Variants in MTHFD1L observed in about 807,000 individuals in gnomAD.
MTHFD1L encodes the protein methylenetetrahydrofolate dehydrogenase (NADP+ dependent) 1 like, also known as monofunctional C1-tetrahydrofolate synthase, mitochondrial.
A neutral mutation model predicts 119.5 loss-of-function variants in MTHFD1L; 81 were observed. The observed-to-expected ratio is 0.68, with a 90% confidence interval of 0.57 to 0.82. The LOEUF (loss-of-function observed/expected upper bound fraction) is 0.82. MTHFD1L is among the 40% of genes least tolerant of loss of function. The pLI is 0.00. For missense variants in MTHFD1L, 1,125 were observed against 1,253.4 expected (o/e 0.90, Z 1.55); for synonymous variants, 430 against 475.2 (o/e 0.90, Z 1.24).
At chr6:151,002,566 G>T (rs964510012) in intron 20 of MTHFD1L, among the ~76,000 whole-genome samples, 2 of 152,184 alleles carry the variant, frequency 1.3e-5, no homozygotes, top group African/African-American at 4.8e-5. Flanking sequence ...CTTCTTCCCT[G>T]TGAAGCTGGT....
intron 4 of MTHFD1L, among the ~76,000 whole-genome samples, chr6:150,881,756 T>C (rs995913872): frequency 6.6e-6 from 1 of 152,232 alleles, no homozygotes; most frequent in African/African-American, 2.4e-5. Flanking sequence ...AGGACAGTTT[T>C]GTTTATAGCT....
intron 18 of MTHFD1L, among the ~76,000 whole-genome samples, chr6:150,963,287 T>C (rs77132617): frequency 1.3e-5 from 2 of 152,290 alleles, no homozygotes; most frequent in East Asian, 3.9e-4. Flanking sequence ...ATCATGTGTG[T>C]TTTATACACT....
rs1562428069 is a variant in MTHFD1L, at chr6:150,944,587, A to G, written c.1542A>G (p.Thr514=). ...DTRILHENTQ[T]DKALYNRLVP... ...GGATTCTTCATGAAAACACGCAAAC[A>G]GATAAGGTGAGAAGGATGCCTTGCT... The change falls in exon 14 of 28, where the codon ACA becomes ACG. Residue 514 remains threonine (T), a synonymous_variant. Transcript: ENST00000367321. The G allele has an allele frequency of 1.2e-5, 20 of 1,611,896 alleles. 1 individual carries two copies. The highest frequency in any genetic ancestry group is 1.5e-5 in the Non-Finnish European group (18 of 1,178,346).
At chr6:150,936,058 T>C (rs1360071403) in intron 11 of MTHFD1L, among the ~76,000 whole-genome samples, 2 of 152,214 alleles carry the variant, frequency 1.3e-5, no homozygotes, top group Non-Finnish European at 2.9e-5. Flanking sequence ...AGAGCAGAAG[T>C]TTCCGCCATA....
chr6:150,879,344 G>A (rs1780989891), intron 4 of MTHFD1L, among the ~76,000 whole-genome samples: 1 of 152,010 alleles, frequency 6.6e-6, no homozygotes, highest in Non-Finnish European at 1.5e-5. Context: ...CTGGAGTGCG[G>A]TGGTGCAATC....
At chr6:151,079,874 A>AT in intron 26 of MTHFD1L, among the ~76,000 whole-genome samples, 1 of 151,804 alleles carries the variant, frequency 6.6e-6, no homozygotes, top group East Asian at 2.0e-4. Flanking sequence ...TAAAAATTAA[A>AT]TTAAAAAAAA....
intron 26 of MTHFD1L, among the ~76,000 whole-genome samples, chr6:151,065,855 C>A (rs1211257456): frequency 6.6e-6 from 1 of 152,188 alleles, no homozygotes; most frequent in Non-Finnish European, 1.5e-5. Flanking sequence ...AGGCCAGACC[C>A]CAAGGGCTGT....
chr6:150,948,038 A>G (rs1794272704), intron 15 of MTHFD1L, among the ~76,000 whole-genome samples: 2 of 150,786 alleles, frequency 1.3e-5, no homozygotes. Context: ...ACGGAGTTTC[A>G]CTCTTGTTGC....
intron 8 of MTHFD1L, among the ~76,000 whole-genome samples, chr6:150,913,173 T>A (rs1787229726): frequency 6.6e-6 from 1 of 151,776 alleles, no homozygotes; most frequent in African/African-American, 2.4e-5. Flanking sequence ...ACTAATTTTT[T>A]TTTTTGAGGC....
chr6:150,886,876 G>A (rs1782394176), intron 6 of MTHFD1L, among the ~76,000 whole-genome samples: 1 of 151,104 alleles, frequency 6.6e-6, no homozygotes, highest in Non-Finnish European at 1.5e-5. Context: ...TGTGCCTGTA[G>A]TCCCGGCTAC....
At chr6:150,975,646 C>T (rs1438588193) in intron 20 of MTHFD1L, among the ~76,000 whole-genome samples, 1 of 152,204 alleles carries the variant, frequency 6.6e-6, no homozygotes, top group Non-Finnish European at 1.5e-5. Context: ...CTGTCTGGGC[C>T]TCCTCTGGCT....
intron 26 of MTHFD1L, among the ~76,000 whole-genome samples, chr6:151,058,966 G>A (rs528253628): frequency 3.3e-5 from 5 of 152,066 alleles, no homozygotes; most frequent in Admixed American, 6.5e-5. Context: ...GTGAGCCACC[G>A]CACCTGGCCC....
In MTHFD1L at chr6:150,949,706, G is replaced by C. The variant is rs1794580397; in HGVS notation, c.1726+573G>C. On this transcript the variant is annotated intron_variant, in intron 16 of 27. Coordinates refer to ENST00000367321, the MANE Select transcript of MTHFD1L (RefSeq NM_015440.5). Reference sequence around the variant, plus strand: ...CGACTTCCCTGCTTCCCTCTCAGTTGTGAAGTCCCCTTCCTTCTCCCACAC... The same window carrying C: ...CGACTTCCCTGCTTCCCTCTCAGTTCTGAAGTCCCCTTCCTTCTCCCACAC... 2.0e-5 allele frequency among the ~76,000 whole-genome samples: 3 copies of C among 152,152 alleles called. No individual in the cohort carries two copies. In the South Asian group the frequency reaches 6.2e-4, roughly 32 times the overall value.
At chr6:151,012,243 G>A (rs570983167) in intron 21 of MTHFD1L, among the ~76,000 whole-genome samples, 1 of 151,668 alleles carries the variant, frequency 6.6e-6, no homozygotes, top group South Asian at 2.1e-4. Context: ...TATGCAGGGA[G>A]TGTTTTCAAT....
chr6:151,022,415 G>A lies in MTHFD1L; in HGVS notation c.2586+6722G>A, dbSNP rs1487101621. 2.7e-5 allele frequency: 5 copies of A among 188,302 alleles called. No homozygotes were observed. The East Asian group carries it at 5.2e-4, about 20-fold the overall frequency. The allele number at this position is 188,302 out of a possible 1,614,324, so 11.7% of individuals were successfully genotyped here. A position where few individuals can be genotyped will look rare whatever the true frequency, so the allele number is the denominator to read the frequency against. On this transcript the variant is annotated intron_variant, in intron 24 of 27. Transcript: ENST00000367321. Reference sequence around the variant, plus strand: ...GGATCTTCCATTGTGGTAAAAATATGTATAACATACAATTTCCCCTTTAAT... The same window carrying A: ...GGATCTTCCATTGTGGTAAAAATATATATAACATACAATTTCCCCTTTAAT...
intron 26 of MTHFD1L, 76 bp downstream of exon 26, chr6:151,037,193 G>A (rs960498924): frequency 1.3e-5 from 19 of 1,472,454 alleles, no homozygotes; most frequent in Admixed American, 3.7e-5. Context: ...TGCTCCGCCC[G>A]CTCTTTAAAA....
At chr6:151,017,830 CTTTTTT>C (rs895364993) in intron 24 of MTHFD1L, among the ~76,000 whole-genome samples, 1 of 98,982 alleles carries the variant, frequency 1.0e-5, no homozygotes, top group East Asian at 3.2e-4. Context: ...ACCGTGTTTT[CTTTTTT>C]TTTTTTTTTT....
Position 150,918,576 on chromosome 6 carries a change from G to A in MTHFD1L, c.893-1G>A. ...TTTTTTTTCCCTCCAATTTTTTACA[G>A]GGAAGGTTGGGTGTGGCTCTCCAAG... On this transcript the variant is annotated splice_acceptor_variant, in intron 8 of 27. Coordinates refer to ENST00000367321, the MANE Select transcript of MTHFD1L (RefSeq NM_015440.5). LOFTEE classifies it high-confidence loss of function. The A allele has an allele frequency of 6.2e-7, 1 of 1,611,874 alleles. No individual in the cohort carries two copies. Among genetic ancestry groups the A allele is most frequent in the Non-Finnish European group, 8.5e-7 (1 of 1,178,064 alleles).
chr6:151,007,618 G>A (rs1027570278), intron 20 of MTHFD1L, among the ~76,000 whole-genome samples: 11 of 152,172 alleles, frequency 7.2e-5, no homozygotes, highest in Non-Finnish European at 1.5e-4. Context: ...GCAGGACAGC[G>A]CCGCATAATC....
Sources: allele counts gnomAD v4.1 joint callset (sites outside exome capture counted in the v4.1 genomes callset), GRCh38; gene constraint gnomAD v4.1.1; transcripts MANE v1.5; gene names NCBI Gene and HGNC (gene_info 2026-07-23, HGNC 2026-07-21).